The following CNTN4 variants were observed in gnomAD, a reference collection of about 807,000 sequenced individuals.
CNTN4 encodes the protein contactin-4.
A neutral mutation model predicts 122.5 loss-of-function variants in CNTN4; 77 were observed. The ratio of observed to expected loss-of-function variants is 0.63; its 90% CI spans 0.52 to 0.76. CNTN4 has a LOEUF of 0.76. Among genes scored for constraint, CNTN4 ranks in the 30% least tolerant of loss-of-function variants. The probability of loss-of-function intolerance (pLI) is 0.00; values close to 1 mark genes in which losing one functional copy is unlikely to be tolerated. For synonymous variants in CNTN4, 512 were observed against 447.0 expected (o/e 1.15, Z -1.83); for missense variants, 1,256 against 1,259.1 (o/e 1.00, Z 0.04).
At chr3:2,348,077 C>A (rs1256124436) in intron 3 of CNTN4, among the ~76,000 whole-genome samples, 1 of 152,162 alleles carries the variant, frequency 6.6e-6, no homozygotes, top group Non-Finnish European at 1.5e-5. Context: ...TAGTGAACTA[C>A]TTCCTTTCTT....
intron 2 of CNTN4, among the ~76,000 whole-genome samples, chr3:2,316,496 G>A (rs957264563): frequency 2.0e-5 from 3 of 152,008 alleles, no homozygotes; most frequent in African/African-American, 7.2e-5. Context: ...AATAAATTAA[G>A]GTTTATAAAG....
intron 3 of CNTN4, among the ~76,000 whole-genome samples, chr3:2,412,971 T>C (rs1460125968): frequency 1.3e-5 from 2 of 152,214 alleles, no homozygotes; most frequent in African/African-American, 4.8e-5. Context: ...GAGTAGACAG[T>C]AAGCACTCAA....
intron 4 of CNTN4, among the ~76,000 whole-genome samples, chr3:2,576,557 T>C (rs1185744450): frequency 6.6e-6 from 1 of 151,384 alleles, no homozygotes; most frequent in African/African-American, 2.4e-5. Context: ...TTTTCTTTTT[T>C]TTTTTTTTGA....
chr3:2,810,230 G>T (rs956706153), intron 6 of CNTN4, among the ~76,000 whole-genome samples: 12 of 152,168 alleles, frequency 7.9e-5, no homozygotes, highest in African/African-American at 2.7e-4. Flanking sequence ...AAAGAGTCGT[G>T]GTGAAGACCG....
At chr3:2,281,405 A>G (rs556031633) in intron 2 of CNTN4, among the ~76,000 whole-genome samples, 3 of 152,058 alleles carry the variant, frequency 2.0e-5, no homozygotes, top group Non-Finnish European at 4.4e-5. Context: ...CCCATGGCCT[A>G]TTTATTTTAA....
At chr3:2,249,785 A>T (rs1190043527) in intron 2 of CNTN4, among the ~76,000 whole-genome samples, 1 of 151,982 alleles carries the variant, frequency 6.6e-6, no homozygotes, top group East Asian at 1.9e-4. Flanking sequence ...TTTCAGTCCT[A>T]GTACCACAAT....
At chr3:2,343,107 A>G (rs1414153493) in intron 3 of CNTN4, among the ~76,000 whole-genome samples, 3 of 152,214 alleles carry the variant, frequency 2.0e-5, no homozygotes, top group Non-Finnish European at 4.4e-5. Context: ...ATAAGGAAAT[A>G]TATGTTTTAG....
intron 3 of CNTN4, among the ~76,000 whole-genome samples, chr3:2,539,436 A>G (rs925637787): frequency 3.9e-5 from 6 of 152,186 alleles, no homozygotes; most frequent in Admixed American, 3.3e-4. Flanking sequence ...TTTGGAAACA[A>G]ATAAGATTTT....
At chr3:2,824,634 A>G (rs992448791) in intron 7 of CNTN4, among the ~76,000 whole-genome samples, 1 of 152,114 alleles carries the variant, frequency 6.6e-6, no homozygotes, top group Non-Finnish European at 1.5e-5. Flanking sequence ...AGCATTCCTT[A>G]TGTGAAATTT....
chr3:2,152,379 G>A (rs556915960), intron 2 of CNTN4, among the ~76,000 whole-genome samples: 32 of 152,250 alleles, frequency 2.1e-4, no homozygotes, highest in African/African-American at 7.0e-4. Flanking sequence ...TGATTGAAAC[G>A]AGGTGCCGTC....
chr3:2,303,648 C>T (rs955137117), intron 2 of CNTN4, among the ~76,000 whole-genome samples: 3 of 152,156 alleles, frequency 2.0e-5, no homozygotes, highest in Non-Finnish European at 2.9e-5. Context: ...CTGTCTTTCT[C>T]ATGACTTTGG....
chr3:3,038,280 C>G (rs566004876), intron 18 of CNTN4, among the ~76,000 whole-genome samples: 1 of 152,140 alleles, frequency 6.6e-6, no homozygotes, highest in African/African-American at 2.4e-5. Context: ...GGTGGAAGCT[C>G]GCATAATTTC....
At chr3:2,514,410 G>A (rs1456200429) in intron 3 of CNTN4, among the ~76,000 whole-genome samples, 1 of 152,036 alleles carries the variant, frequency 6.6e-6, no homozygotes. Flanking sequence ...GGCTGAGGTG[G>A]GAGGATAGGT....
chr3:2,568,178 A>ACCAGGCCC, intron 3 of CNTN4, among the ~76,000 whole-genome samples: 1 of 152,122 alleles, frequency 6.6e-6, no homozygotes, highest in African/African-American at 2.4e-5. Flanking sequence ...CTGCATGTAG[A>ACCAGGCCC]TTCTTGGAAA....
rs1324097278 is a variant in CNTN4, at chr3:2,736,202, C to T, written c.56-13C>T. ...GGATTCTTCATTTTGGACATTTTCTCTTCTCATTTCAGATGATTCCACACT... is the reference window on the plus strand; with the variant it reads ...GGATTCTTCATTTTGGACATTTTCTTTTCTCATTTCAGATGATTCCACACT... On this transcript the variant is annotated splice_polypyrimidine_tract_variant and intron_variant, in intron 4 of 24. Coordinates refer to ENST00000418658, the MANE Select transcript of CNTN4 (RefSeq NM_175607.3). The T allele has an allele frequency of 1.9e-6, 3 of 1,612,270 alleles. No individual in the cohort carries two copies. Among genetic ancestry groups the T allele is most frequent in the East Asian group, 4.5e-5 (2 of 44,764 alleles).
chr3:3,012,061 G>A (rs956665254), intron 14 of CNTN4, among the ~76,000 whole-genome samples: 25 of 152,064 alleles, frequency 1.6e-4, no homozygotes, highest in African/African-American at 6.0e-4. Flanking sequence ...AACTAGTAAG[G>A]GGCAGAGCTA....
At chr3:2,654,815 C>T (rs1328175215) in intron 4 of CNTN4, among the ~76,000 whole-genome samples, 1 of 152,098 alleles carries the variant, frequency 6.6e-6, no homozygotes, top group Non-Finnish European at 1.5e-5. Flanking sequence ...TGCAGGCCTT[C>T]CTGGAAGGTC....
At chr3:2,593,820 A>G (rs2149683246) in intron 4 of CNTN4, among the ~76,000 whole-genome samples, 1 of 152,272 alleles carries the variant, frequency 6.6e-6, no homozygotes, top group East Asian at 1.9e-4. Context: ...AGTGGAGGCT[A>G]TGTCATCATT....
chr3:2,700,683 A>G (rs1046637670), intron 4 of CNTN4, among the ~76,000 whole-genome samples: 2 of 152,014 alleles, frequency 1.3e-5, no homozygotes, highest in Non-Finnish European at 2.9e-5. Context: ...TTTATCATCT[A>G]TATGGATCAA....
Sources: allele counts gnomAD v4.1 joint callset (sites outside exome capture counted in the v4.1 genomes callset), GRCh38; gene constraint gnomAD v4.1.1; transcripts MANE v1.5; gene names NCBI Gene and HGNC (gene_info 2026-07-23, HGNC 2026-07-21).